The following CMSS1 variants were observed in gnomAD, a reference collection of about 807,000 sequenced individuals.
The protein encoded by CMSS1 is protein CMSS1.
Under a neutral mutation model 43.5 loss-of-function variants are expected in CMSS1, and 33 were observed. The ratio of observed to expected loss-of-function variants is 0.76; its 90% CI spans 0.57 to 1.01. CMSS1 has a LOEUF of 1.01. Ranked by LOEUF, CMSS1 falls within the 50% of genes least tolerant of loss-of-function variation. The probability of loss-of-function intolerance (pLI) is 0.00; values close to 1 mark genes in which losing one functional copy is unlikely to be tolerated. For missense variants in CMSS1, 313 were observed against 326.4 expected (o/e 0.96, Z 0.32); for synonymous variants, 115 against 117.2 (o/e 0.98, Z 0.12).
At chr3:100,153,687 A>G (rs766023028) in intron 2 of CMSS1, among the ~76,000 whole-genome samples, 2 of 152,178 alleles carry the variant, frequency 1.3e-5, no homozygotes, top group Admixed American at 6.6e-5. Flanking sequence ...TAAAGGCCCT[A>G]TCTCCAAATA....
chr3:100,036,621 C>T (rs1277736017), intron 1 of CMSS1, among the ~76,000 whole-genome samples: 1 of 152,224 alleles, frequency 6.6e-6, no homozygotes, highest in African/African-American at 2.4e-5. Flanking sequence ...CACCATTTTG[C>T]AGCCATCATA....
chr3:100,129,185 T>C (rs759305248), intron 1 of CMSS1, among the ~76,000 whole-genome samples: 2 of 152,220 alleles, frequency 1.3e-5, no homozygotes, highest in African/African-American at 4.8e-5. Context: ...TTTCCTGCTA[T>C]ATTGTCAGCT....
intron 2 of CMSS1, among the ~76,000 whole-genome samples, chr3:100,153,935 C>T (rs1319981784): frequency 2.6e-5 from 4 of 151,816 alleles, no homozygotes; most frequent in Non-Finnish European, 5.9e-5. Flanking sequence ...ACTGCAACCT[C>T]TGCCTCCTGA....
At chr3:100,037,351 T>C (rs1375452688) in intron 1 of CMSS1, among the ~76,000 whole-genome samples, 1 of 152,240 alleles carries the variant, frequency 6.6e-6, no homozygotes, top group Admixed American at 6.5e-5. Flanking sequence ...TAATAACTGG[T>C]GAATATGGGT....
chr3:100,099,187 G>A (rs1284678963), intron 1 of CMSS1, among the ~76,000 whole-genome samples: 1 of 152,062 alleles, frequency 6.6e-6, no homozygotes, highest in Admixed American at 6.6e-5. Context: ...GCATTTTTTA[G>A]TTTTGAAATT....
At chr3:100,090,313 C>T (rs1232412360) in intron 1 of CMSS1, among the ~76,000 whole-genome samples, 1 of 152,180 alleles carries the variant, frequency 6.6e-6, no homozygotes, top group African/African-American at 2.4e-5. Flanking sequence ...AACATTAGCT[C>T]ACTGAAAATA....
chr3:100,170,549 T>C (rs968729223), intron 6 of CMSS1, among the ~76,000 whole-genome samples: 4 of 152,108 alleles, frequency 2.6e-5, no homozygotes, highest in Non-Finnish European at 5.9e-5. Flanking sequence ...ATTCTGTGGG[T>C]TTAAGAAGAA....
chr3:100,141,278 A>G (rs1297826034), intron 1 of CMSS1, among the ~76,000 whole-genome samples: 1 of 152,228 alleles, frequency 6.6e-6, no homozygotes, highest in East Asian at 1.9e-4. Context: ...TCATTTGATC[A>G]TAGACAAAAG....
chr3:99,880,800 T>C (rs1705700048), intron 1 of CMSS1, among the ~76,000 whole-genome samples: 2 of 152,198 alleles, frequency 1.3e-5, no homozygotes, highest in Admixed American at 1.3e-4. Flanking sequence ...TATTAACAAT[T>C]CAATGTACTG....
chr3:100,144,648 G>GT (rs1021861518), intron 1 of CMSS1, among the ~76,000 whole-genome samples: 10 of 152,206 alleles, frequency 6.6e-5, no homozygotes, highest in African/African-American at 2.2e-4. Context: ...TGAGGTCATA[G>GT]TTTTTTCTGT....
At chr3:99,823,301 T>A (rs1448072826) in intron 1 of CMSS1, among the ~76,000 whole-genome samples, 1 of 152,232 alleles carries the variant, frequency 6.6e-6, no homozygotes, top group Non-Finnish European at 1.5e-5. Context: ...CATATGTGGC[T>A]GCCTTCTTTA....
chr3:100,162,369 C>G lies in CMSS1; in HGVS notation c.292C>G (p.Leu98Val). Residue 98 changes from leucine (L) to valine (V), a missense_variant, in exon 4 of 10, where the codon CTG becomes GTG. Leu to Val is a conservative substitution (Grantham distance 32, BLOSUM62 1). Transcript: ENST00000421999. ...KPGLPEDLQK[L>V]MKDYYSSRRL... ...AGGGTTACCTGAAGACCTACAGAAG[C>G]TGATGAAGGACTATTATAGCAGCAG... 1 of 1,613,582 alleles carries G rather than the reference C, an allele frequency of 6.2e-7. No homozygotes were observed. The highest frequency in any genetic ancestry group is 8.5e-7 in the Non-Finnish European group (1 of 1,179,608).
At position 99,951,423 on chromosome 3, in the gene CMSS1, C is replaced by T. The variant is rs559258070; in HGVS notation, c.64+133380C>T. On this transcript the variant is annotated intron_variant, in intron 1 of 9. Transcript: ENST00000421999. ...ACCTTGCGCATAGTATGTACTCTGT[C>T]GAATGAATGAATGATTGAATGAATG... Among the ~76,000 whole-genome samples the T allele has an allele frequency of 2.4e-4, 37 of 152,186 alleles. No homozygotes were observed. The Middle Eastern group carries it at 0.027, about 112-fold the overall frequency.
intron 1 of CMSS1, among the ~76,000 whole-genome samples, chr3:100,003,462 T>A (rs1400502894): frequency 6.6e-6 from 1 of 152,206 alleles, no homozygotes; most frequent in Non-Finnish European, 1.5e-5. Flanking sequence ...CAAGTGACTA[T>A]GATAGATGCG....
At chr3:99,972,974 A>G (rs1708865918) in intron 1 of CMSS1, among the ~76,000 whole-genome samples, 1 of 152,216 alleles carries the variant, frequency 6.6e-6, no homozygotes, top group Non-Finnish European at 1.5e-5. Context: ...TTGGCAATAA[A>G]AGCTGAGAGC....
rs576243128 is a variant in CMSS1 at position 100,121,292 on chromosome 3, CCG to C, written c.65-25680_65-25679del. Among the ~76,000 whole-genome samples the C allele has an allele frequency of 2.4e-3, 320 of 133,898 alleles. 1 individual carries two copies. Among genetic ancestry groups the C allele is most frequent in the African/African-American group, 8.2e-3 (299 of 36,298 alleles). The allele number at this position is 133,898 out of a possible 152,430, so 87.8% of individuals were successfully genotyped here. A position where few individuals can be genotyped will look rare whatever the true frequency, so the allele number is the denominator to read the frequency against. ...ATGTGTGATGTTCCCCTCCCTGTGT[CCG>C]TGTGTTTTCATTGTTCAGCTCCCAC... On this transcript the variant is annotated intron_variant, in intron 1 of 9. Transcript: ENST00000421999.
chr3:100,018,947 T>C (rs768452711), intron 1 of CMSS1, among the ~76,000 whole-genome samples: 1 of 152,096 alleles, frequency 6.6e-6, no homozygotes. Context: ...TAAAAAGGTG[T>C]TGAACTTCAC....
intron 1 of CMSS1, among the ~76,000 whole-genome samples, chr3:99,949,115 A>C (rs1161643079): frequency 6.6e-6 from 1 of 152,202 alleles, no homozygotes; most frequent in Non-Finnish European, 1.5e-5. Context: ...ATATTTCATA[A>C]ATGTGAAAGC....
chr3:99,937,144 G>A (rs1218097941), intron 1 of CMSS1, among the ~76,000 whole-genome samples: 1 of 151,926 alleles, frequency 6.6e-6, no homozygotes, highest in African/African-American at 2.4e-5. Context: ...CACCATGTTG[G>A]CCAGGCTGGT....
Sources: gnomAD v4.1 joint callset for allele counts (sites outside exome capture counted in the v4.1 genomes callset) on GRCh38, gnomAD v4.1.1 for gene constraint, MANE v1.5 for transcripts, NCBI Gene and HGNC (gene_info 2026-07-23, HGNC 2026-07-21) for gene names.